Variants in TRANK1 observed in about 807,000 individuals in gnomAD.
The protein encoded by TRANK1 is tetratricopeptide repeat and ankyrin repeat containing 1.
Under a neutral mutation model 266.0 loss-of-function variants are expected in TRANK1, and 198 were observed. That is an observed-to-expected ratio of 0.74 (90% confidence interval 0.66 to 0.84). TRANK1 has a LOEUF of 0.84. Ranked by LOEUF, TRANK1 falls within the 40% of genes least tolerant of loss-of-function variation. TRANK1 has a pLI of 0.00. For synonymous variants in TRANK1, 1,396 were observed against 1,384.1 expected, an observed-to-expected ratio of 1.01 and a Z score of -0.19; for missense variants, 3,326 against 3,634.6, an observed-to-expected ratio of 0.92 and a Z score of 2.18.
At chr3:36,939,333 A>G (rs1043954929) in intron 1 of TRANK1, among the ~76,000 whole-genome samples, 4 of 151,476 alleles carry the variant, frequency 2.6e-5, no homozygotes, top group African/African-American at 7.3e-5. Context: ...CTCTAACACT[A>G]TGTGCCCACC....
intron 1 of TRANK1, among the ~76,000 whole-genome samples, chr3:36,923,403 G>A (rs1196339831): frequency 6.6e-6 from 1 of 151,954 alleles, no homozygotes; most frequent in African/African-American, 2.4e-5. Context: ...TTACAGGCGT[G>A]CGCCACCACG....
chr3:36,838,378 CA>C lies in TRANK1; in HGVS notation c.5510del (p.Leu1837ArgfsTer4). On this transcript the variant is annotated frameshift_variant, in exon 20 of 24. Coordinates refer to ENST00000645898, the MANE Select transcript of TRANK1 (RefSeq NM_001329998.2). LOFTEE classifies it high-confidence loss of function. The part of the protein sequence containing the change: ...FQLSAQLCER[L>X]GKIRDAAYFY... ...AGCGGACTAGGAGCCATACCTTTCC[CA>C]GCCTCTCGCACAGCTGGGCAGAGAG... The C allele has an allele frequency of 2.5e-6, 4 of 1,613,948 alleles. No individual in the cohort carries two copies. The highest frequency in any genetic ancestry group is 3.4e-6 in the Non-Finnish European group (4 of 1,179,864).
chr3:36,879,630 A>C (rs2079449514), intron 8 of TRANK1, among the ~76,000 whole-genome samples: 1 of 79,144 alleles, frequency 1.3e-5, no homozygotes, highest in Non-Finnish European at 2.3e-5. Flanking sequence ...ATATATAAAT[A>C]TATATAAATA....
intron 9 of TRANK1, among the ~76,000 whole-genome samples, chr3:36,866,925 C>T (rs887747279): frequency 3.3e-5 from 5 of 152,134 alleles, no homozygotes; most frequent in Admixed American, 1.3e-4. Flanking sequence ...ATACACACAT[C>T]CACTTCCGGG....
rs17035688 is a variant in TRANK1, at chr3:36,873,579, T to G, written c.1078+547A>C. Among the ~76,000 whole-genome samples the G allele has an allele frequency of 9.4e-3, 1,437 of 152,256 alleles. 24 individuals carry two copies. Among genetic ancestry groups the G allele is most frequent in the African/African-American group, 0.033 (1,368 of 41,538 alleles). ...TAATTTGCAATTTTTAGAATCAATC[T>G]GTAGATGCAGCATGAAAAACTTAGA... On this transcript the variant is annotated intron_variant, in intron 9 of 23. Transcript: ENST00000645898.
intron 2 of TRANK1, among the ~76,000 whole-genome samples, chr3:36,904,302 C>T (rs1295365502): frequency 2.0e-5 from 3 of 151,404 alleles, no homozygotes; most frequent in African/African-American, 4.9e-5. Context: ...AGGCCGAGGC[C>T]GAGGCGAGGA....
chr3:36,839,048 T>C (rs1006430086), intron 18 of TRANK1, among the ~76,000 whole-genome samples: 3 of 152,256 alleles, frequency 2.0e-5, no homozygotes, highest in African/African-American at 4.8e-5. Flanking sequence ...ATATAGTTGC[T>C]ACTTCAGGTC....
At position 36,915,540 on chromosome 3, in the gene TRANK1, C is replaced by A. The variant is rs546399610; in HGVS notation, c.24-7086G>T. The stretch of plus-strand genomic sequence containing the variant: ...ATCTGAACTTTCAGCACACCCTAAT[C>A]CTATTATTCATATAGCATCTACCCT... On this transcript the variant is annotated intron_variant, in intron 1 of 23. Coordinates refer to ENST00000645898, the MANE Select transcript of TRANK1 (RefSeq NM_001329998.2). 7.9e-5 allele frequency among the ~76,000 whole-genome samples: 12 copies of A among 152,264 alleles called. No homozygotes were observed. In the South Asian group the frequency reaches 1.5e-3, roughly 18 times the overall value.
At chr3:36,939,391 C>T (rs569173923) in intron 1 of TRANK1, among the ~76,000 whole-genome samples, 2 of 152,268 alleles carry the variant, frequency 1.3e-5, no homozygotes, top group African/African-American at 4.8e-5. Flanking sequence ...CTCCCATTCA[C>T]ATGACTTTGC....
chr3:36,904,283 C>T (rs1164877326), intron 2 of TRANK1, among the ~76,000 whole-genome samples: 3 of 151,982 alleles, frequency 2.0e-5, no homozygotes, highest in African/African-American at 7.2e-5. Flanking sequence ...GTAATCGCAG[C>T]ACTTCGGGAG....
chr3:36,851,597 T>TAA lies in TRANK1; in HGVS notation c.4887+120_4887+121dup, dbSNP rs576674823. On this transcript the variant is annotated intron_variant, in intron 15 of 23. Coordinates refer to ENST00000645898, the MANE Select transcript of TRANK1 (RefSeq NM_001329998.2). The stretch of plus-strand genomic sequence containing the variant: ...ACCTCATACTGAATGAATGATGCTC[T>TAA]AAAACACAAACAGGAGCCTGTGATA... 1,385 of 1,325,908 alleles carry TAA rather than the reference T, an allele frequency of 1.0e-3. 3 individuals carry two copies. Among genetic ancestry groups the TAA allele is most frequent in the Non-Finnish European group, 1.2e-3 (1,217 of 987,516 alleles). The allele number at this position is 1,325,908 out of a possible 1,614,324, so 82.1% of individuals were successfully genotyped here.
rs1443966723 is a variant in TRANK1 at position 36,857,453 on chromosome 3, A to T, written c.2269T>A (p.Ser757Thr). 1 of 1,613,910 alleles carries T rather than the reference A, an allele frequency of 6.2e-7. No individual in the cohort carries two copies. Among genetic ancestry groups the T allele is most frequent in the Non-Finnish European group, 8.5e-7 (1 of 1,179,874 alleles). The change falls in exon 13 of 24, where the codon TCT becomes ACT. Residue 757 changes from serine to threonine, a missense_variant. By Grantham distance (58) the Ser-to-Thr change is moderately conservative (BLOSUM62 1). Transcript: ENST00000645898. The surrounding 1 kb of genome is among the most constrained non-coding windows in gnomAD (Gnocchi z 4.3). ...PSFPEDCLQSSEPLEAGAGKE... is the reference protein window; with the variant it reads ...PSFPEDCLQSTEPLEAGAGKE... ...CCAGCTCCTGCCTCCAGAGGCTCAG[A>T]GCTCTGAAGACAGTCCTCTGGGAAA...
intron 1 of TRANK1, among the ~76,000 whole-genome samples, chr3:36,926,215 A>G (rs1388355444): frequency 6.6e-6 from 1 of 152,048 alleles, no homozygotes. Context: ...TTCCCTAAAC[A>G]TGGCTCTGTT....
At position 36,833,083 on chromosome 3, in the gene TRANK1, G is replaced by T; in HGVS notation, c.6500C>A (p.Ala2167Asp). Residue 2167 changes from alanine to aspartate, a missense_variant, in exon 22 of 24, where the codon GCC (alanine) becomes GAC (aspartate). Physicochemically the swap from Ala to Asp is moderately radical, Grantham distance 126. Coordinates refer to ENST00000645898, the MANE Select transcript of TRANK1 (RefSeq NM_001329998.2). ...FLIMTDQVKL[A>D]LNKHLLGRLC... Reference sequence around the variant, plus strand: ...CCTGCCCAAAAGGTGTTTGTTTAGGGCTAATTTCACTTGGTCAGTCATTAT... The same window carrying T: ...CCTGCCCAAAAGGTGTTTGTTTAGGTCTAATTTCACTTGGTCAGTCATTAT... 6.2e-7 allele frequency: 1 copy of T among 1,612,684 alleles called. No homozygotes were observed. The highest frequency in any genetic ancestry group is 8.5e-7 in the Non-Finnish European group (1 of 1,179,258).
intron 1 of TRANK1, among the ~76,000 whole-genome samples, chr3:36,938,524 C>CCT (rs1474962114): frequency 6.6e-6 from 1 of 151,892 alleles, no homozygotes; most frequent in East Asian, 1.9e-4. Context: ...GCCATTCTAG[C>CCT]CTCTGTTCTA....
In TRANK1 at chr3:36,903,285, C is replaced by A. The variant is rs1394071644; in HGVS notation, c.156-10G>T. On this transcript the variant is annotated splice_polypyrimidine_tract_variant and intron_variant, in intron 2 of 23. Coordinates refer to ENST00000645898, the MANE Select transcript of TRANK1 (RefSeq NM_001329998.2). ...GTCCCTCGGGGGAACCCTGTAAGAA[C>A]AAACCGGTGGTCTGTCATGGTTCTG... is the stretch of plus-strand genomic sequence containing the variant. 19 of 1,536,340 alleles carry A rather than the reference C, an allele frequency of 1.2e-5. No homozygotes were observed. The East Asian group carries it at 4.4e-4, about 36-fold the overall frequency.
At chr3:36,910,211 A>G (rs933799964) in intron 1 of TRANK1, among the ~76,000 whole-genome samples, 5 of 152,236 alleles carry the variant, frequency 3.3e-5, no homozygotes, top group African/African-American at 1.2e-4. Context: ...TCACTAGTGC[A>G]TAAGTAAATC....
At chr3:36,881,059 CTTT>C (rs533928990) in intron 8 of TRANK1, among the ~76,000 whole-genome samples, 1 of 151,620 alleles carries the variant, frequency 6.6e-6, no homozygotes, top group South Asian at 2.1e-4. Context: ...ATCCAATGAA[CTTT>C]TTTTTATCAA....
chr3:36,881,263 C>T (rs2079527544), intron 8 of TRANK1, among the ~76,000 whole-genome samples: 1 of 151,994 alleles, frequency 6.6e-6, no homozygotes, highest in Non-Finnish European at 1.5e-5. Context: ...ACCAAACTGG[C>T]CAACATGGTA....
Sources: gnomAD v4.1 joint callset for allele counts (sites outside exome capture counted in the v4.1 genomes callset) on GRCh38, gnomAD v4.1.1 for gene constraint, Gnocchi (gnomAD v3.1) non-coding constraint, MANE v1.5 for transcripts, NCBI Gene and HGNC (gene_info 2026-07-23, HGNC 2026-07-21) for gene names.